The following SNAP29 variants were observed in gnomAD, a reference collection of about 807,000 sequenced individuals.
SNAP29 encodes synaptosome associated protein 29, also known as synaptosomal-associated protein 29.
Under a neutral mutation model 27.9 loss-of-function variants are expected in SNAP29, and 13 were observed. The observed-to-expected ratio is 0.47, with a 90% confidence interval of 0.30 to 0.74. SNAP29 has a LOEUF of 0.74. Ranked by LOEUF, SNAP29 falls within the 30% of genes least tolerant of loss-of-function variation. SNAP29 has a pLI of 0.06. For missense variants in SNAP29, 368 were observed against 336.5 expected, an observed-to-expected ratio of 1.09 and a Z score of -0.73; for synonymous variants, 119 against 127.1, an observed-to-expected ratio of 0.94 and a Z score of 0.43.
intron 4 of SNAP29, among the ~76,000 whole-genome samples, chr22:20,885,973 C>T (rs1016865738): frequency 7.2e-5 from 11 of 152,178 alleles, no homozygotes; most frequent in African/African-American, 2.7e-4. Context: ...ATCTCAGCCT[C>T]TCTGTTTGCT....
At chr22:20,874,230 ACGCCAC>A (rs1928671890) in intron 2 of SNAP29, among the ~76,000 whole-genome samples, 2 of 145,042 alleles carry the variant, frequency 1.4e-5, no homozygotes, top group Non-Finnish European at 3.1e-5. Flanking sequence ...AGCTGAGATC[ACGCCAC>A]TGCAACAGTG....
At chr22:20,862,473 GGT>G (rs1362657919) in intron 1 of SNAP29, among the ~76,000 whole-genome samples, 2 of 152,176 alleles carry the variant, frequency 1.3e-5, no homozygotes, top group Admixed American at 1.3e-4. Context: ...TGATAGACTG[GGT>G]GTGTTAGAGG....
intron 1 of SNAP29, chr22:20,859,612 G>T: frequency 1.9e-6 from 1 of 531,500 alleles, no homozygotes; most frequent in Non-Finnish European, 3.3e-6. Flanking sequence ...CCTAGCTCAC[G>T]GGGAAACGCC....
chr22:20,873,049 C>G (rs912880558), intron 2 of SNAP29, among the ~76,000 whole-genome samples: 1 of 151,708 alleles, frequency 6.6e-6, no homozygotes, highest in African/African-American at 2.4e-5. Context: ...AGGATAGTCT[C>G]GAACTCTTGA....
At chr22:20,884,626 C>T (rs377440607) in intron 4 of SNAP29, among the ~76,000 whole-genome samples, 137 of 152,334 alleles carry the variant, frequency 9.0e-4, no homozygotes, top group African/African-American at 3.0e-3. Flanking sequence ...CAGGGGGCTG[C>T]CCTGGCCGTT....
At chr22:20,868,422 GTTTTAGC>G (rs1388117139) in intron 1 of SNAP29, among the ~76,000 whole-genome samples, 1 of 152,152 alleles carries the variant, frequency 6.6e-6, no homozygotes, top group African/African-American at 2.4e-5. Context: ...ACCAACCAGT[GTTTTAGC>G]TTTTTGCCTA....
At chr22:20,880,408 A>C (rs1457380400) in intron 2 of SNAP29, among the ~76,000 whole-genome samples, 1 of 151,914 alleles carries the variant, frequency 6.6e-6, no homozygotes, top group African/African-American at 2.4e-5. Context: ...CGGGAGACTA[A>C]GGCGGGAGAA....
rs150012414 is a variant in SNAP29 at position 20,869,439 on chromosome 22, G to A, written c.238-898G>A. Among the ~76,000 whole-genome samples, 450 of 152,348 alleles carry A rather than the reference G, an allele frequency of 3.0e-3. 5 individuals carry two copies. The highest frequency in any genetic ancestry group is 4.4e-3 in the Non-Finnish European group (298 of 68,030). ...ATGGAAAACATTACAGGCGGAGACA[G>A]TGGTGTGTGCAAAGGCCCTGGGACA... On this transcript the variant is annotated intron_variant, in intron 1 of 4. Coordinates refer to ENST00000215730, the MANE Select transcript of SNAP29 (RefSeq NM_004782.4).
At chr22:20,883,443 C>T in intron 3 of SNAP29, 28 bp from the exon 4 acceptor site, 1 of 1,391,964 alleles carries the variant, frequency 7.2e-7, no homozygotes, top group African/African-American at 1.4e-5. Context: ...CAATTAACCG[C>T]TCTCCTGGTG....
chr22:20,878,234 T>C (rs1928794723), intron 2 of SNAP29, among the ~76,000 whole-genome samples: 1 of 152,048 alleles, frequency 6.6e-6, no homozygotes, highest in South Asian at 2.1e-4. Context: ...CCATAATCCT[T>C]GTTAAAGGTA....
chr22:20,887,019 C>T (rs534486341), intron 4 of SNAP29, among the ~76,000 whole-genome samples: 3 of 151,902 alleles, frequency 2.0e-5, no homozygotes, highest in African/African-American at 4.8e-5. Flanking sequence ...GTAAGGAGTT[C>T]GAGACCAGCC....
chr22:20,862,838 A>G (rs2147859808), intron 1 of SNAP29, among the ~76,000 whole-genome samples: 1 of 152,266 alleles, frequency 6.6e-6, no homozygotes, highest in Non-Finnish European at 1.5e-5. Context: ...GATGACCTAC[A>G]TCTCCACCAC....
intron 1 of SNAP29, among the ~76,000 whole-genome samples, chr22:20,868,449 T>C (rs750799600): frequency 2.0e-5 from 3 of 152,186 alleles, no homozygotes; most frequent in Non-Finnish European, 2.9e-5. Context: ...ATACATTATG[T>C]TTTTAAATTT....
At chr22:20,859,381 G>A (rs1484890600) in intron 1 of SNAP29, 34 bp downstream of exon 1, 1 of 1,410,608 alleles carries the variant, frequency 7.1e-7, no homozygotes, top group Non-Finnish European at 1.0e-6. Flanking sequence ...TGGACTCGCC[G>A]GTCTCTGTGC....
intron 1 of SNAP29, 153 bp downstream of exon 1, chr22:20,859,500 A>C (rs1241462729): frequency 1.5e-6 from 1 of 685,476 alleles, no homozygotes; most frequent in Non-Finnish European, 2.7e-6. Context: ...CAATCTGTTA[A>C]CTATGTAAAG....
Position 20,870,542 on chromosome 22 carries a change from ATCT to A in SNAP29, c.434+13_434+15del. ...TCCCAGCCCAACAACAGGTGAGTGC[ATCT>A]TCTACCATCTGGGTATAAAGGAGCA... On this transcript the variant is annotated intron_variant, in intron 2 of 4. Transcript: ENST00000215730. The A allele has an allele frequency of 6.2e-7, 1 of 1,611,772 alleles. No individual in the cohort carries two copies. The highest frequency in any genetic ancestry group is 8.5e-7 in the Non-Finnish European group (1 of 1,178,422).
At chr22:20,859,608 T>C in intron 1 of SNAP29, 1 of 539,918 alleles carries the variant, frequency 1.9e-6, no homozygotes, top group Non-Finnish European at 3.3e-6. Context: ...TACGCCTAGC[T>C]CACGGGGAAA....
chr22:20,880,419 T>A (rs1388691896), intron 2 of SNAP29, among the ~76,000 whole-genome samples: 4 of 150,490 alleles, frequency 2.7e-5, no homozygotes, highest in Non-Finnish European at 5.9e-5. Flanking sequence ...GGCGGGAGAA[T>A]CACTTGAACC....
intron 2 of SNAP29, among the ~76,000 whole-genome samples, chr22:20,874,853 T>G (rs539287098): frequency 2.0e-5 from 3 of 152,244 alleles, no homozygotes; most frequent in African/African-American, 7.2e-5. Flanking sequence ...TTGGCCACAT[T>G]TAATTGCCAT....
Sources: gnomAD v4.1 joint callset for allele counts (sites outside exome capture counted in the v4.1 genomes callset) on GRCh38, gnomAD v4.1.1 for gene constraint, MANE v1.5 for transcripts, NCBI Gene and HGNC (gene_info 2026-07-23, HGNC 2026-07-21) for gene names.